SYT1: variants seen among roughly 807,000 people sequenced by gnomAD.
The protein encoded by SYT1 is synaptotagmin-1.
Under a neutral mutation model 44.8 loss-of-function variants are expected in SYT1, and 8 were observed. That is an observed-to-expected ratio of 0.18 (90% CI 0.10 to 0.32). SYT1 has a LOEUF of 0.32. Ranked by LOEUF, SYT1 falls within the 10% of genes least tolerant of loss-of-function variation. The pLI, the probability that SYT1 is intolerant of heterozygous loss-of-function variation, is 1.00. For synonymous variants in SYT1, 154 were observed against 188.8 expected, an observed-to-expected ratio of 0.82 and a Z score of 1.51; for missense variants, 286 against 509.3, an observed-to-expected ratio of 0.56 and a Z score of 4.22.
At chr12:79,264,432 T>C (rs1177644611) in intron 4 of SYT1, among the ~76,000 whole-genome samples, 1 of 152,202 alleles carries the variant, frequency 6.6e-6, no homozygotes, top group African/African-American at 2.4e-5. Flanking sequence ...CATTATAATG[T>C]AAATGTGCAT....
At chr12:79,097,854 T>C (rs1307140301) in intron 3 of SYT1, among the ~76,000 whole-genome samples, 2 of 152,012 alleles carry the variant, frequency 1.3e-5, no homozygotes, top group African/African-American at 2.4e-5. Flanking sequence ...TGTTCCTAAC[T>C]AGGGAAAAGC....
rs1020533121 is a variant in SYT1, at chr12:78,902,419, G to C, written c.-217+37310G>C. Among the ~76,000 whole-genome samples the C allele has an allele frequency of 3.7e-4, 56 of 151,998 alleles. 1 individual carries two copies. The highest frequency in any genetic ancestry group is 1.3e-3 in the African/African-American group (55 of 41,474). On this transcript the variant is annotated intron_variant, in intron 1 of 10. Coordinates refer to ENST00000261205, the MANE Select transcript of SYT1 (RefSeq NM_005639.3). ...GGGACATCTCTGTACCTTCCACATA[G>C]GGCAATATAATAGGTCACAATTTAT...
intron 4 of SYT1, among the ~76,000 whole-genome samples, chr12:79,262,027 T>G (rs934256885): frequency 2.6e-5 from 4 of 152,200 alleles, no homozygotes; most frequent in Admixed American, 2.6e-4. Context: ...AACTGCTCTA[T>G]GAGATCAATA....
intron 3 of SYT1, among the ~76,000 whole-genome samples, chr12:79,096,542 A>T (rs1449531108): frequency 1.3e-5 from 2 of 152,006 alleles, no homozygotes; most frequent in African/African-American, 4.8e-5. Flanking sequence ...GCAGCTGAGG[A>T]ATATTACACT....
intron 3 of SYT1, among the ~76,000 whole-genome samples, chr12:79,169,312 T>G (rs1871378823): frequency 6.6e-6 from 1 of 151,978 alleles, no homozygotes; most frequent in Non-Finnish European, 1.5e-5. Flanking sequence ...TACTATTCAC[T>G]GGAAAACTCT....
At chr12:79,099,315 A>G (rs1244452009) in intron 3 of SYT1, among the ~76,000 whole-genome samples, 3 of 152,206 alleles carry the variant, frequency 2.0e-5, no homozygotes, top group Non-Finnish European at 4.4e-5. Context: ...GAGAAGCTTT[A>G]GCACAATAAC....
intron 4 of SYT1, among the ~76,000 whole-genome samples, chr12:79,260,932 G>A (rs1322146261): frequency 6.6e-6 from 1 of 152,034 alleles, no homozygotes; most frequent in Non-Finnish European, 1.5e-5. Context: ...GGATCATTTG[G>A]TGAGTCCGTC....
intron 3 of SYT1, among the ~76,000 whole-genome samples, chr12:79,162,509 A>T (rs1871009070): frequency 6.6e-6 from 1 of 152,126 alleles, no homozygotes. Flanking sequence ...AAAATATGAC[A>T]TCTAGAGCTA....
chr12:79,097,570 A>G (rs905563687), intron 3 of SYT1, among the ~76,000 whole-genome samples: 2 of 151,932 alleles, frequency 1.3e-5, no homozygotes, highest in African/African-American at 4.8e-5. Flanking sequence ...TGGTATCACT[A>G]TAAAATACTG....
intron 3 of SYT1, among the ~76,000 whole-genome samples, chr12:79,173,583 G>A (rs1871683190): frequency 6.6e-6 from 1 of 152,018 alleles, no homozygotes; most frequent in Non-Finnish European, 1.5e-5. Flanking sequence ...ATTCAAAGAA[G>A]AAAGATTCCA....
At chr12:78,986,066 T>C (rs1045597378) in intron 2 of SYT1, among the ~76,000 whole-genome samples, 2 of 152,042 alleles carry the variant, frequency 1.3e-5, no homozygotes, top group Non-Finnish European at 2.9e-5. Flanking sequence ...GATTCCATTA[T>C]GTTATGAACA....
rs117932608 is a variant in SYT1 at position 79,066,412 on chromosome 12, T to A, written c.-18+19050T>A. Among the ~76,000 whole-genome samples the A allele has an allele frequency of 9.5e-3, 1,440 of 151,586 alleles. 9 individuals carry two copies. The highest frequency in any genetic ancestry group is 0.016 in the Non-Finnish European group (1,092 of 67,886). The stretch of plus-strand genomic sequence containing the variant: ...TATAAGCCAGAGGTACAGGATGACT[T>A]CAGAAAATCTTAAACTTACAATTTT... On this transcript the variant is annotated intron_variant, in intron 3 of 10. Transcript: ENST00000261205.
chr12:78,903,818 A>G (rs1296526768), intron 1 of SYT1, among the ~76,000 whole-genome samples: 1 of 152,106 alleles, frequency 6.6e-6, no homozygotes, highest in African/African-American at 2.4e-5. Flanking sequence ...TTATACATAA[A>G]TTAATTTATA....
chr12:79,318,052 T>A (rs1565906257), intron 8 of SYT1, among the ~76,000 whole-genome samples: 1 of 152,212 alleles, frequency 6.6e-6, no homozygotes, highest in Non-Finnish European at 1.5e-5. Flanking sequence ...ACCAAAAATG[T>A]ATGGTTCCCT....
rs997443001 is a variant in SYT1, at chr12:79,136,600, A to C, written c.-17-80903A>C. 2.6e-5 allele frequency among the ~76,000 whole-genome samples: 4 copies of C among 152,266 alleles called. No homozygotes were observed. In the East Asian group the frequency reaches 7.7e-4, roughly 29 times the overall value. On this transcript the variant is annotated intron_variant, in intron 3 of 10. Coordinates refer to ENST00000261205, the MANE Select transcript of SYT1 (RefSeq NM_005639.3). Reference sequence around the variant, plus strand: ...CAATATATAATACTCTAATAACGACATTGTAATTATTAATAAAAATGACTA... The same window carrying C: ...CAATATATAATACTCTAATAACGACCTTGTAATTATTAATAAAAATGACTA...
At chr12:78,895,956 T>C (rs999229194) in intron 1 of SYT1, among the ~76,000 whole-genome samples, 2 of 151,734 alleles carry the variant, frequency 1.3e-5, no homozygotes, top group Non-Finnish European at 3.0e-5. Context: ...TTAGTTACCA[T>C]GCAATGCAGT....
chr12:78,978,261 A>G (rs1023239066), intron 2 of SYT1, among the ~76,000 whole-genome samples: 1 of 152,110 alleles, frequency 6.6e-6, no homozygotes, highest in Admixed American at 6.5e-5. Context: ...TTATCTGTAG[A>G]TGATCTTGAG....
In SYT1 at chr12:78,898,789, G is replaced by A. The variant is rs1875499580; in HGVS notation, c.-217+33680G>A. 2.0e-5 allele frequency among the ~76,000 whole-genome samples: 3 copies of A among 152,140 alleles called. No individual in the cohort carries two copies. In the South Asian group the frequency reaches 6.2e-4, roughly 32 times the overall value. On this transcript the variant is annotated intron_variant, in intron 1 of 10. Transcript: ENST00000261205. ...AGTGAAGAAGAAACCCTTTAATAGTGATTTCGCATGTAGAGAAATTATATT... is the reference window on the plus strand; with the variant it reads ...AGTGAAGAAGAAACCCTTTAATAGTAATTTCGCATGTAGAGAAATTATATT...
intron 4 of SYT1, among the ~76,000 whole-genome samples, chr12:79,280,970 G>C (rs904341931): frequency 6.8e-6 from 1 of 146,686 alleles, no homozygotes; most frequent in Non-Finnish European, 1.5e-5. Flanking sequence ...AGTCAGAATG[G>C]CCATTAATAA....
Sources: gnomAD v4.1 joint callset for allele counts (sites outside exome capture counted in the v4.1 genomes callset) on GRCh38, gnomAD v4.1.1 for gene constraint, MANE v1.5 for transcripts, NCBI Gene and HGNC (gene_info 2026-07-23, HGNC 2026-07-21) for gene names.